Variants in POLR3B observed in about 807,000 individuals in gnomAD.
POLR3B encodes the protein RNA polymerase III subunit B.
A neutral mutation model predicts 147.4 loss-of-function variants in POLR3B; 96 were observed. The ratio of observed to expected loss-of-function variants is 0.65; its 90% CI spans 0.55 to 0.77. POLR3B has a LOEUF of 0.77. Ranked by LOEUF, POLR3B falls within the 30% of genes least tolerant of loss-of-function variation. POLR3B has a pLI of 0.00. For synonymous variants in POLR3B, 461 were observed against 485.9 expected, an observed-to-expected ratio of 0.95 and a Z score of 0.67; for missense variants, 1,036 against 1,413.5, an observed-to-expected ratio of 0.73 and a Z score of 4.28.
chr12:106,509,339 T>C, intron 27 of POLR3B, 81 bp from the exon 28 acceptor site: 1 of 1,381,958 alleles, frequency 7.2e-7, no homozygotes, highest in Non-Finnish European at 1.0e-6. Context: ...TAGAACTTTA[T>C]AGAGACCATT....
At chr12:106,467,042 C>T (rs916392098) in intron 23 of POLR3B, among the ~76,000 whole-genome samples, 6 of 152,240 alleles carry the variant, frequency 3.9e-5, no homozygotes, top group African/African-American at 1.4e-4. Flanking sequence ...TTACTTTTGG[C>T]AGTAAGACCA....
At position 106,432,492 on chromosome 12, in the gene POLR3B, A is replaced by T; in HGVS notation, c.1627+12A>T. On this transcript the variant is annotated intron_variant, in intron 15 of 27. Transcript: ENST00000228347. ...TGTCTTTCTTAATGGTGGGTATATTATAGAGACATGTTGGTCCTAGATAGT... is the reference window on the plus strand; with the variant it reads ...TGTCTTTCTTAATGGTGGGTATATTTTAGAGACATGTTGGTCCTAGATAGT... 1 of 1,605,004 alleles carries T rather than the reference A, an allele frequency of 6.2e-7. No individual in the cohort carries two copies. Among genetic ancestry groups the T allele is most frequent in the Non-Finnish European group, 8.5e-7 (1 of 1,171,874 alleles).
At position 106,476,531 on chromosome 12, in the gene POLR3B, C is replaced by T. The variant is rs1379790683; in HGVS notation, c.2713+12911C>T. On this transcript the variant is annotated intron_variant, in intron 23 of 27. Coordinates refer to ENST00000228347, the MANE Select transcript of POLR3B (RefSeq NM_018082.6). The stretch of plus-strand genomic sequence containing the variant: ...ATCAGACGTAGATTTGGTCTTTTCA[C>T]ATAGTCCCATATTTCTTGGAGGCTT... 2.3e-3 allele frequency among the ~76,000 whole-genome samples: 254 copies of T among 108,160 alleles called. 2 individuals are homozygous for T. The highest frequency in any genetic ancestry group is 3.5e-3 in the Non-Finnish European group (193 of 54,984). 71.0% of individuals were successfully genotyped at this position (108,160 alleles called of 152,430 possible).
chr12:106,418,792 G>A lies in POLR3B; in HGVS notation c.1101+7832G>A, dbSNP rs190631865. Among the ~76,000 whole-genome samples, 18 of 152,290 alleles carry A rather than the reference G, an allele frequency of 1.2e-4. 1 individual carries two copies. Among genetic ancestry groups the A allele is most frequent in the Admixed American group, 1.2e-3 (18 of 15,298 alleles). On this transcript the variant is annotated intron_variant, in intron 12 of 27. Coordinates refer to ENST00000228347, the MANE Select transcript of POLR3B (RefSeq NM_018082.6). ...TGTGGTGTATTGTGTGGATGGCCTT[G>A]TGGTTTCTCACTGCTCTGTGAACTT...
At chr12:106,477,891 C>CTTTTTTTTTTTTTTTT (rs34915594) in intron 23 of POLR3B, among the ~76,000 whole-genome samples, 1 of 70,548 alleles carries the variant, frequency 1.4e-5, no homozygotes, top group Non-Finnish European at 2.5e-5. Context: ...GGCTCCTCCC[C>CTTTTTTTTTTTTTTTT]TTTTTTTTTT....
At chr12:106,385,635 A>G (rs77516775) in intron 9 of POLR3B, among the ~76,000 whole-genome samples, 1,752 of 152,336 alleles carry the variant, frequency 0.012, 34 homozygotes, top group African/African-American at 0.04. Context: ...CAGGGAGGAA[A>G]GTAGCCCTCA....
In POLR3B at chr12:106,444,483, T is replaced by C. The variant is rs142094821; in HGVS notation, c.1976T>C (p.Ile659Thr). 2.9e-5 allele frequency: 47 copies of C among 1,613,858 alleles called. No homozygotes were observed. In the African/African-American group the frequency reaches 3.2e-4, roughly 11 times the overall value. ...TINKDTTHLE[I>T]EPFTLLGVCA... ...GTTAGAGACACCACCCACTTGGAGA[T>C]TGAACCCTTCACTCTTCTCGGCGTG... Residue 659 changes from isoleucine to threonine, a missense_variant, in exon 19 of 28, where the codon ATT (isoleucine) becomes ACT (threonine). This residue lies in a region of POLR3B where 177 missense variants were observed against 232.7 expected (regional missense o/e 0.76). Coordinates refer to ENST00000228347, the MANE Select transcript of POLR3B (RefSeq NM_018082.6).
At chr12:106,467,529 C>A (rs1462709135) in intron 23 of POLR3B, among the ~76,000 whole-genome samples, 1 of 152,118 alleles carries the variant, frequency 6.6e-6, no homozygotes, top group Non-Finnish European at 1.5e-5. Context: ...TTGTCTTGTG[C>A]CAGTTTTCAA....
At chr12:106,416,297 G>T (rs1404475194) in intron 12 of POLR3B, among the ~76,000 whole-genome samples, 2 of 152,136 alleles carry the variant, frequency 1.3e-5, no homozygotes, top group Non-Finnish European at 2.9e-5. Context: ...ATGAGAAATT[G>T]CATACACACC....
intron 19 of POLR3B, among the ~76,000 whole-genome samples, chr12:106,450,505 G>A (rs554250866): frequency 6.6e-6 from 1 of 152,218 alleles, no homozygotes; most frequent in East Asian, 1.9e-4. Flanking sequence ...CACTTCAATA[G>A]TAAGACAACC....
At chr12:106,446,991 A>T (rs2037733504) in intron 19 of POLR3B, among the ~76,000 whole-genome samples, 1 of 152,154 alleles carries the variant, frequency 6.6e-6, no homozygotes, top group South Asian at 2.1e-4. Context: ...TTTGAGTAGG[A>T]CTTCTCTGGA....
At position 106,437,670 on chromosome 12, in the gene POLR3B, T is replaced by C; in HGVS notation, c.1857-11T>C. The C allele has an allele frequency of 2.7e-6, 4 of 1,487,930 alleles. No individual in the cohort carries two copies. The highest frequency in any genetic ancestry group is 1.9e-6 in the Non-Finnish European group (2 of 1,065,398). 92.2% of individuals were successfully genotyped at this position (1,487,930 alleles called of 1,614,324 possible). ...TTTTTAATGATGTCTCTTTCACCAA[T>C]ATTTTCCCAGGAATTTTGAAGATTT... On this transcript the variant is annotated splice_polypyrimidine_tract_variant and intron_variant, in intron 17 of 27. Transcript: ENST00000228347.
chr12:106,447,701 C>G (rs2037741627), intron 19 of POLR3B, among the ~76,000 whole-genome samples: 1 of 152,218 alleles, frequency 6.6e-6, no homozygotes, highest in Non-Finnish European at 1.5e-5. Context: ...TCTAGTGGAA[C>G]ACTTTCTCCT....
At chr12:106,507,899 A>C (rs2038715121) in intron 27 of POLR3B, 1 of 441,652 alleles carries the variant, frequency 2.3e-6, no homozygotes, top group African/African-American at 2.0e-5. Flanking sequence ...ATATAAAGTG[A>C]GTCACATTAA....
intron 10 of POLR3B, among the ~76,000 whole-genome samples, chr12:106,399,739 T>A (rs576311809): frequency 6.6e-6 from 1 of 152,028 alleles, no homozygotes; most frequent in Non-Finnish European, 1.5e-5. Flanking sequence ...GCTTCATAAG[T>A]GAAGGAGAAA....
chr12:106,475,761 T>G (rs1392474076), intron 23 of POLR3B, among the ~76,000 whole-genome samples: 1 of 149,114 alleles, frequency 6.7e-6, no homozygotes, highest in Non-Finnish European at 1.5e-5. Context: ...TATGTGTGTC[T>G]CTGCACATGA....
At chr12:106,465,970 A>T (rs1210601284) in intron 23 of POLR3B, among the ~76,000 whole-genome samples, 1 of 151,078 alleles carries the variant, frequency 6.6e-6, no homozygotes, top group Non-Finnish European at 1.5e-5. Context: ...TCCTTTGGGT[A>T]TATGGGATTG....
chr12:106,427,090 G>A lies in POLR3B; in HGVS notation c.1102-107G>A. On this transcript the variant is annotated intron_variant, in intron 12 of 27. Transcript: ENST00000228347. ...AATAGCAATTTTTTTTCTGTTTTAA[G>A]CAGTTTCTCCATCTTATTTTTTAAA... 3 of 757,038 alleles carry A rather than the reference G, an allele frequency of 4.0e-6. No homozygotes were observed. The South Asian group carries it at 5.1e-5, about 13-fold the overall frequency. The allele number at this position is 757,038 out of a possible 1,614,324, so 46.9% of individuals were successfully genotyped here.
intron 23 of POLR3B, among the ~76,000 whole-genome samples, chr12:106,467,375 A>G (rs1244799947): frequency 6.6e-6 from 1 of 152,186 alleles, no homozygotes; most frequent in Non-Finnish European, 1.5e-5. Context: ...GGTTTTCTAA[A>G]TACACAATCA....
Sources: gnomAD v4.1 joint callset for allele counts (sites outside exome capture counted in the v4.1 genomes callset) on GRCh38, gnomAD v4.1.1 for gene constraint, gnomAD v4.1.1 regional missense constraint, MANE v1.5 for transcripts, NCBI Gene and HGNC (gene_info 2026-07-23, HGNC 2026-07-21) for gene names.